JAK2: variants seen among roughly 807,000 people sequenced by gnomAD.
JAK2 encodes Janus kinase 2.
Under a neutral mutation model 139.3 loss-of-function variants are expected in JAK2, and 86 were observed. The ratio of observed to expected loss-of-function variants is 0.62; its 90% CI spans 0.52 to 0.74. The LOEUF (loss-of-function observed/expected upper bound fraction) is 0.74, where lower values mean the gene tolerates loss of function less well. Among genes scored for constraint, JAK2 ranks in the 30% least tolerant of loss-of-function variants. The probability of loss-of-function intolerance (pLI) is 0.00; values close to 1 mark genes in which losing one functional copy is unlikely to be tolerated. For synonymous variants in JAK2, 490 were observed against 437.7 expected (o/e 1.12, Z -1.49); for missense variants, 1,421 against 1,360.3 (o/e 1.04, Z -0.70).
At position 5,072,567 on chromosome 9, in the gene JAK2, C is replaced by A. The variant is rs1383353466; in HGVS notation, c.1717C>A (p.Leu573Met). Residue 573 changes from leucine to methionine, a missense_variant, in exon 13 of 25, where the codon CTG (leucine) becomes ATG (methionine). Transcript: ENST00000381652. ...AAGAGAAGTAGGAGACTACGGTCAACTGCATGAAACAGAAGTTCTTTTAAA... is the reference window on the plus strand; with the variant it reads ...AAGAGAAGTAGGAGACTACGGTCAAATGCATGAAACAGAAGTTCTTTTAAA... The part of the protein sequence containing the change: ...VRREVGDYGQ[L>M]HETEVLLKVL... 6.2e-7 allele frequency: 1 copy of A among 1,611,076 alleles called. No homozygotes were observed. Among genetic ancestry groups the A allele is most frequent in the East Asian group, 2.2e-5 (1 of 44,800 alleles).
In JAK2 at chr9:5,029,888, A is replaced by T. The variant is rs1823030651; in HGVS notation, c.332A>T (p.Asn111Ile). 1.2e-6 allele frequency: 2 copies of T among 1,611,052 alleles called. No homozygotes were observed. The change falls in exon 4 of 25, where the codon AAT becomes ATT. Residue 111 changes from asparagine (N) to isoleucine (I), a missense_variant. Coordinates refer to ENST00000381652, the MANE Select transcript of JAK2 (RefSeq NM_004972.4). ...VFHIDESTRH[N>I]VLYRIRFYFP... The stretch of plus-strand genomic sequence containing the variant: ...CATATAGATGAGTCAACCAGGCATA[A>T]TGTACTCTACAGAATAAGGTACTTT...
chr9:5,125,700 A>T (rs1823939726), intron 23 of JAK2, among the ~76,000 whole-genome samples: 1 of 70,460 alleles, frequency 1.4e-5, no homozygotes, highest in Non-Finnish European at 2.6e-5. Flanking sequence ...GATAGGGGAG[A>T]AGTTATATAT....
intron 2 of JAK2, among the ~76,000 whole-genome samples, chr9:4,996,403 G>A (rs193172174): frequency 2.0e-5 from 3 of 151,954 alleles, no homozygotes; most frequent in African/African-American, 4.8e-5. Flanking sequence ...AGCTGAGATC[G>A]TGCCATTGCA....
intron 9 of JAK2, among the ~76,000 whole-genome samples, chr9:5,065,579 C>T (rs966769371): frequency 6.6e-6 from 1 of 152,086 alleles, no homozygotes. Flanking sequence ...CTAATGCAAC[C>T]GAGGAACTGA....
intron 3 of JAK2, 133 bp downstream of exon 3, chr9:5,022,346 A>G (rs1352921505): frequency 5.1e-6 from 3 of 589,836 alleles, no homozygotes; most frequent in East Asian, 5.9e-5. Context: ...GTGTTTTCAC[A>G]TGCATAGAAA....
chr9:5,080,000 A>G (rs116322128), intron 16 of JAK2, among the ~76,000 whole-genome samples: 1 of 152,138 alleles, frequency 6.6e-6, no homozygotes, highest in Non-Finnish European at 1.5e-5. Flanking sequence ...ACTCAATCAT[A>G]TGTCTCCATG....
In JAK2 at chr9:5,110,380, C is replaced by T. The variant is rs1172054921; in HGVS notation, c.3060-12624C>T. 3.9e-5 allele frequency: 6 copies of T among 152,274 alleles called. 1 individual carries two copies. Among genetic ancestry groups the T allele is most frequent in the Admixed American group, 3.9e-4 (6 of 15,292 alleles). 9.4% of individuals were successfully genotyped at this position (152,274 alleles called of 1,614,324 possible). ...ATTTAAAAAATCATAGCATTCTCCA[C>T]CTCAAGTCAGCTGGGCCTTACGATA... is the stretch of plus-strand genomic sequence containing the variant. On this transcript the variant is annotated intron_variant, in intron 22 of 24. Transcript: ENST00000381652.
At chr9:5,055,320 A>G (rs1488048076) in intron 7 of JAK2, among the ~76,000 whole-genome samples, 2 of 152,034 alleles carry the variant, frequency 1.3e-5, no homozygotes, top group African/African-American at 2.4e-5. Flanking sequence ...CGTGTTGTTC[A>G]TAGATTGTTA....
intron 2 of JAK2, among the ~76,000 whole-genome samples, chr9:4,993,607 T>C (rs755386401): frequency 2.0e-5 from 3 of 152,210 alleles, no homozygotes; most frequent in South Asian, 2.1e-4. Context: ...TGTCCTCTTA[T>C]TCAGCTTTCA....
At chr9:5,008,412 G>GT (rs1302606525) in intron 2 of JAK2, among the ~76,000 whole-genome samples, 2 of 152,212 alleles carry the variant, frequency 1.3e-5, no homozygotes, top group Non-Finnish European at 2.9e-5. Context: ...AATGTAGGAA[G>GT]TGGAGATTAA....
intron 3 of JAK2, among the ~76,000 whole-genome samples, chr9:5,025,523 G>C (rs1822723961): frequency 6.8e-6 from 1 of 146,140 alleles, no homozygotes; most frequent in African/African-American, 2.6e-5. Flanking sequence ...TGTTTAAGTG[G>C]ATAGAGTTTG....
chr9:5,127,303 A>G lies in JAK2; in HGVS notation c.*512A>G. ...TACTTCACTATACAAACAAATTAAG[A>G]TGTTCAGATAATTGAATAAGTACCT... On this transcript the variant is annotated 3_prime_UTR_variant, in exon 25 of 25. Coordinates refer to ENST00000381652, the MANE Select transcript of JAK2 (RefSeq NM_004972.4). 1 of 232,268 alleles carries G rather than the reference A, an allele frequency of 4.3e-6. No individual in the cohort carries two copies. The highest frequency in any genetic ancestry group is 6.1e-5 in the East Asian group (1 of 16,508). The allele number at this position is 232,268 out of a possible 1,614,324, so 14.4% of individuals were successfully genotyped here.
At chr9:5,018,464 G>GT (rs2130035395) in intron 2 of JAK2, among the ~76,000 whole-genome samples, 1 of 152,192 alleles carries the variant, frequency 6.6e-6, no homozygotes, top group South Asian at 2.1e-4. Flanking sequence ...AGCCTCTCAG[G>GT]TAGCTGGGAC....
intron 19 of JAK2, among the ~76,000 whole-genome samples, chr9:5,087,408 CAT>C (rs1204136094): frequency 1.3e-5 from 2 of 152,178 alleles, no homozygotes; most frequent in Non-Finnish European, 2.9e-5. Flanking sequence ...CTTCCAATGA[CAT>C]GTGGGGATTA....
intron 22 of JAK2, chr9:5,111,367 A>C: frequency 7.5e-6 from 3 of 400,566 alleles, no homozygotes; most frequent in South Asian, 2.0e-5. Context: ...TACCCCTCCT[A>C]CGCCAGCAGC....
At chr9:5,087,192 T>C (rs1820191894) in intron 19 of JAK2, among the ~76,000 whole-genome samples, 1 of 152,226 alleles carries the variant, frequency 6.6e-6, no homozygotes, top group African/African-American at 2.4e-5. Context: ...AGAGGTTTAA[T>C]TGACTGACAG....
chr9:5,118,593 ATTAT>A (rs1346121101), intron 22 of JAK2, among the ~76,000 whole-genome samples: 5 of 152,180 alleles, frequency 3.3e-5, no homozygotes, highest in African/African-American at 7.2e-5. Context: ...TCGGATGAAT[ATTAT>A]TTATTTCTAT....
At chr9:5,034,640 T>A (rs966193847) in intron 4 of JAK2, among the ~76,000 whole-genome samples, 5 of 151,812 alleles carry the variant, frequency 3.3e-5, no homozygotes, top group Middle Eastern at 3.2e-3. Flanking sequence ...GAATGACTAC[T>A]GGGTACATAA....
At position 5,005,464 on chromosome 9, in the gene JAK2, G is replaced by A. The variant is rs1164698716; in HGVS notation, c.-25-16499G>A. Among the ~76,000 whole-genome samples the A allele has an allele frequency of 2.6e-5, 4 of 151,946 alleles. No homozygotes were observed. The South Asian group carries it at 8.3e-4, about 32-fold the overall frequency. Reference sequence around the variant, plus strand: ...TGCTGTGTACAAGTTTTTAAATCTGGTATAATGATTGATTTCTAAATGTTA... The same window carrying A: ...TGCTGTGTACAAGTTTTTAAATCTGATATAATGATTGATTTCTAAATGTTA... On this transcript the variant is annotated intron_variant, in intron 2 of 24. Transcript: ENST00000381652.
Sources: gnomAD v4.1 joint callset for allele counts (sites outside exome capture counted in the v4.1 genomes callset) on GRCh38, gnomAD v4.1.1 for gene constraint, MANE v1.5 for transcripts, NCBI Gene and HGNC (gene_info 2026-07-23, HGNC 2026-07-21) for gene names.